NTM: variants seen among roughly 807,000 people sequenced by gnomAD.
NTM encodes the protein neurotrimin.
Under a neutral mutation model 42.1 loss-of-function variants are expected in NTM, and 13 were observed. The observed-to-expected ratio is 0.31, with a 90% CI of 0.20 to 0.49. NTM has a LOEUF of 0.49. Among genes scored for constraint, NTM ranks in the 20% least tolerant of loss-of-function variants. NTM has a pLI of 0.99. For synonymous variants in NTM, 187 were observed against 179.2 expected, an observed-to-expected ratio of 1.04 and a Z score of -0.35; for missense variants, 373 against 452.8, an observed-to-expected ratio of 0.82 and a Z score of 1.60.
At chr11:131,596,733 G>T (rs940174158) in intron 1 of NTM, among the ~76,000 whole-genome samples, 1 of 152,242 alleles carries the variant, frequency 6.6e-6, no homozygotes, top group Non-Finnish European at 1.5e-5. Flanking sequence ...CCTGGGGCTG[G>T]AACTCAGACT....
chr11:132,075,501 A>AG (rs11387558), intron 2 of NTM, among the ~76,000 whole-genome samples: 43,541 of 151,940 alleles, frequency 0.29, 6,797 homozygotes, highest in African/African-American at 0.4. Context: ...AGGTTAGCAA[A>AG]CATTTTGTCT....
At chr11:132,217,817 G>A (rs2084231789) in intron 4 of NTM, among the ~76,000 whole-genome samples, 5 of 127,906 alleles carry the variant, frequency 3.9e-5, no homozygotes, top group Admixed American at 3.8e-4. Flanking sequence ...GTGACACCCG[G>A]ATAAGAGTTC....
chr11:131,391,575 CTTTT>C (rs71067306), intron 1 of NTM, among the ~76,000 whole-genome samples: 1 of 108,578 alleles, frequency 9.2e-6, no homozygotes, highest in Non-Finnish European at 1.8e-5. Context: ...GTTGACAAGT[CTTTT>C]TTTTTTTTTT....
chr11:132,076,166 T>C (rs1339301025), intron 2 of NTM, among the ~76,000 whole-genome samples: 1 of 152,232 alleles, frequency 6.6e-6, no homozygotes, highest in Non-Finnish European at 1.5e-5. Flanking sequence ...TTTTTTAATC[T>C]ATAGCTTCTA....
At chr11:132,151,406 A>G (rs1313742532) in intron 3 of NTM, among the ~76,000 whole-genome samples, 1 of 152,200 alleles carries the variant, frequency 6.6e-6, no homozygotes, top group Non-Finnish European at 1.5e-5. Context: ...TTATCCAAGT[A>G]TGGAAAACTG....
intron 1 of NTM, among the ~76,000 whole-genome samples, chr11:131,603,332 G>A (rs1387563064): frequency 6.6e-6 from 1 of 151,892 alleles, no homozygotes; most frequent in Non-Finnish European, 1.5e-5. Flanking sequence ...TGAATAACTG[G>A]GAATCTTATT....
chr11:131,716,651 T>C (rs1225608521), intron 1 of NTM, among the ~76,000 whole-genome samples: 1 of 152,236 alleles, frequency 6.6e-6, no homozygotes, highest in East Asian at 1.9e-4. Context: ...CAACCATGTG[T>C]CTTTTTTGGT....
rs59083400 is a variant in NTM, at chr11:131,874,030, AATATATATATATATATATATAT to A, written c.83-37517_83-37496del. On this transcript the variant is annotated intron_variant, in intron 1 of 8. Transcript: ENST00000683400. ...ATAATATATTTATATAATATAATAT[AATATATATATATATATATATAT>A]ATATATATATATATATCAGCAACAG... is the stretch of plus-strand genomic sequence containing the variant. Among the ~76,000 whole-genome samples the A allele has an allele frequency of 9.1e-5, 7 of 76,632 alleles. 1 individual carries two copies. Among genetic ancestry groups the A allele is most frequent in the Admixed American group, 2.1e-4 (1 of 4,832 alleles). The allele number at this position is 76,632 out of a possible 152,430, so 50.3% of individuals were successfully genotyped here.
rs1003348799 is a variant in NTM at position 131,487,800 on chromosome 11, C to A, written c.82+116912C>A. 5.3e-5 allele frequency among the ~76,000 whole-genome samples: 8 copies of A among 152,160 alleles called. 1 individual carries two copies. Among genetic ancestry groups the A allele is most frequent in the Admixed American group, 4.6e-4 (7 of 15,270 alleles). On this transcript the variant is annotated intron_variant, in intron 1 of 8. Coordinates refer to ENST00000683400, the MANE Select transcript of NTM (RefSeq NM_001352005.2). ...AAGGCTGGAGCCATGGAGGAAGGTC[C>A]GCCTGCCGGATCTCTAGCTTGGAAG...
chr11:132,023,095 A>G (rs2074593605), intron 2 of NTM, among the ~76,000 whole-genome samples: 1 of 152,148 alleles, frequency 6.6e-6, no homozygotes, highest in Non-Finnish European at 1.5e-5. Context: ...GCAGAGGGGA[A>G]AATTTTACTT....
At chr11:132,245,386 T>A (rs1208553695) in intron 4 of NTM, among the ~76,000 whole-genome samples, 3 of 151,836 alleles carry the variant, frequency 2.0e-5, no homozygotes, top group African/African-American at 7.3e-5. Context: ...GAGGGCCAGG[T>A]AATGCCAGGA....
At chr11:131,783,329 AAT>A (rs928073738) in intron 1 of NTM, among the ~76,000 whole-genome samples, 6 of 152,178 alleles carry the variant, frequency 3.9e-5, no homozygotes, top group African/African-American at 1.4e-4. Context: ...AGGAAATCTC[AAT>A]AAAAAAGAAG....
At chr11:131,724,767 C>A (rs2078761875) in intron 1 of NTM, among the ~76,000 whole-genome samples, 1 of 152,114 alleles carries the variant, frequency 6.6e-6, no homozygotes, top group African/African-American at 2.4e-5. Flanking sequence ...TGCTGGGGTG[C>A]TGGATCTCGG....
At chr11:132,138,606 CTATCTATCT>C (rs1420123039) in intron 2 of NTM, among the ~76,000 whole-genome samples, 1,054 of 58,478 alleles carry the variant, frequency 0.018, 10 homozygotes, top group Non-Finnish European at 0.028. Flanking sequence ...ATCTATCTAT[CTATCTATCT>C]ATCTATTCTA....
intron 2 of NTM, among the ~76,000 whole-genome samples, chr11:132,107,901 C>A (rs549208957): frequency 6.6e-6 from 1 of 152,268 alleles, no homozygotes; most frequent in South Asian, 2.1e-4. Flanking sequence ...ATGTACACAC[C>A]TGGAATCTCT....
Position 132,335,070 on chromosome 11 carries a change from G to A in NTM, c.992G>A (p.Ser331Asn), listed in dbSNP as rs147788695. ...GGTCCAGGCGCCGTCAGCGAGGTGA[G>A]CAACGGCACGTCGAGGAGGGCAGGC... is the stretch of plus-strand genomic sequence containing the variant. ...WKGPGAVSEVSNGTSRRAGCV... is the reference protein window; with the variant it reads ...WKGPGAVSEVNNGTSRRAGCV... The change falls in exon 9 of 9, where the codon AGC becomes AAC. Residue 331 changes from serine to asparagine, a missense_variant. Ser to Asn is a conservative substitution (Grantham distance 46). Transcript: ENST00000683400. 6.1e-5 allele frequency: 99 copies of A among 1,612,534 alleles called. No individual in the cohort carries two copies. In the African/African-American group the frequency reaches 1.2e-3, roughly 20 times the overall value.
At position 131,515,320 on chromosome 11, in the gene NTM, T is replaced by C. The variant is rs182485241; in HGVS notation, c.82+144432T>C. ...GATGGTGCTTGTCAATTACCTAGAG[T>C]GGTGCCCAGAACTCAGCGTGGGGAA... On this transcript the variant is annotated intron_variant, in intron 1 of 8. Coordinates refer to ENST00000683400, the MANE Select transcript of NTM (RefSeq NM_001352005.2). Among the ~76,000 whole-genome samples the C allele has an allele frequency of 7.2e-5, 11 of 152,152 alleles. No homozygotes were observed. The East Asian group carries it at 1.9e-3, about 27-fold the overall frequency.
intron 2 of NTM, among the ~76,000 whole-genome samples, chr11:131,970,928 A>G (rs923913482): frequency 1.3e-5 from 2 of 152,218 alleles, no homozygotes; most frequent in African/African-American, 2.4e-5. Flanking sequence ...ATGTGTCTTT[A>G]TAAAATGTGA....
At chr11:131,932,171 T>C (rs886143661) in intron 2 of NTM, among the ~76,000 whole-genome samples, 2 of 152,208 alleles carry the variant, frequency 1.3e-5, no homozygotes, top group Non-Finnish European at 2.9e-5. Flanking sequence ...ATAAAATCCC[T>C]GTCCTCACAG....
Sources: allele counts gnomAD v4.1 joint callset (sites outside exome capture counted in the v4.1 genomes callset), GRCh38; gene constraint gnomAD v4.1.1; transcripts MANE v1.5; gene names NCBI Gene and HGNC (gene_info 2026-07-23, HGNC 2026-07-21).